Variants in COL11A1 observed in about 807,000 individuals in gnomAD.
The protein encoded by COL11A1 is collagen type XI alpha 1 chain.
In COL11A1, 74 loss-of-function variants were observed where a neutral mutation model predicts 265.2. The ratio of observed to expected loss-of-function variants is 0.28; its 90% CI spans 0.23 to 0.34. The LOEUF (loss-of-function observed/expected upper bound fraction) is 0.34. Among genes scored for constraint, COL11A1 ranks in the 10% least tolerant of loss-of-function variants. The pLI, the probability that COL11A1 is intolerant of heterozygous loss-of-function variation, is 1.00. For missense variants in COL11A1, 2,165 were observed against 2,263.6 expected (o/e 0.96, Z 0.88); for synonymous variants, 816 against 727.6 (o/e 1.12, Z -1.96).
Position 103,004,915 on chromosome 1 carries a change from ATAAG to A in COL11A1, c.1846-258_1846-255del, listed in dbSNP as rs147077472. ...TTTCAATACAAAAGAGTTATGTAAA[ATAAG>A]TATCTTAAATCGTTTTCAGACATTT... On this transcript the variant is annotated intron_variant, in intron 18 of 66. Transcript: ENST00000370096. Among the ~76,000 whole-genome samples, 10,608 of 152,108 alleles carry A rather than the reference ATAAG, an allele frequency of 0.07. 439 individuals carry two copies. The highest frequency in any genetic ancestry group is 0.17 in the Middle Eastern group (50 of 286).
Position 103,039,540 on chromosome 1 carries a change from T to C in COL11A1, c.652-8296A>G, listed in dbSNP as rs187039041. Reference sequence around the variant, plus strand: ...ACAAACACACACAGAGGAAAGACCATGTAAAGACACAGGGAGAAGACAACC... The same window carrying C: ...ACAAACACACACAGAGGAAAGACCACGTAAAGACACAGGGAGAAGACAACC... On this transcript the variant is annotated intron_variant, in intron 4 of 66. Transcript: ENST00000370096. Among the ~76,000 whole-genome samples the C allele has an allele frequency of 2.4e-4, 37 of 152,128 alleles. No individual in the cohort carries two copies. In the East Asian group the frequency reaches 7.0e-3, roughly 29 times the overall value.
At chr1:102,940,493 A>G (rs1658610943) in intron 42 of COL11A1, 59 bp from the exon 43 acceptor site, 1 of 1,214,496 alleles carries the variant, frequency 8.2e-7, no homozygotes, top group Admixed American at 1.9e-5. Context: ...CTACAAGAGT[A>G]ATAATCTAGC....
At chr1:102,899,133 A>G (rs1403063274) in intron 54 of COL11A1, 139 bp from the exon 55 acceptor site, 1 of 355,964 alleles carries the variant, frequency 2.8e-6, no homozygotes, top group Non-Finnish European at 5.0e-6. Context: ...TTTAAAACAT[A>G]ATAACGAAAA....
chr1:103,025,493 G>T (rs757560129), intron 7 of COL11A1, 28 bp downstream of exon 7: 1 of 1,455,368 alleles, frequency 6.9e-7, no homozygotes, highest in South Asian at 1.1e-5. Flanking sequence ...AAGTGGGACT[G>T]TGATTTAATA....
intron 3 of COL11A1, among the ~76,000 whole-genome samples, chr1:103,077,214 C>T (rs986605400): frequency 6.6e-6 from 1 of 151,782 alleles, no homozygotes; most frequent in Non-Finnish European, 1.5e-5. Flanking sequence ...GAACATTCTC[C>T]ATTTTTTTAT....
At chr1:102,989,179 TTATCAAATTAC>T (rs1663871183) in intron 29 of COL11A1, among the ~76,000 whole-genome samples, 1 of 152,014 alleles carries the variant, frequency 6.6e-6, no homozygotes, top group African/African-American at 2.4e-5. Context: ...TAGAGCAAAC[TTATCAAATTAC>T]TTCTAGTAAT....
intron 51 of COL11A1, 23 bp downstream of exon 51, chr1:102,914,681 T>C (rs374813852): frequency 1.5e-4 from 230 of 1,570,726 alleles, no homozygotes; most frequent in Non-Finnish European, 1.9e-4. Flanking sequence ...AATGCCACAT[T>C]AGAGGGGACC....
chr1:103,089,892 G>A (rs1400838574), intron 1 of COL11A1, among the ~76,000 whole-genome samples: 7 of 152,190 alleles, frequency 4.6e-5, no homozygotes, highest in Admixed American at 2.6e-4. Context: ...TTGGGAGGCC[G>A]AGGTGGGTGG....
intron 1 of COL11A1, among the ~76,000 whole-genome samples, chr1:103,103,963 T>A (rs948399266): frequency 4.6e-5 from 7 of 152,048 alleles, no homozygotes; most frequent in Non-Finnish European, 7.4e-5. Context: ...CCATTACAGA[T>A]CTTCACTCTA....
At chr1:102,992,539 T>A (rs1348905027) in intron 28 of COL11A1, among the ~76,000 whole-genome samples, 29 of 151,878 alleles carry the variant, frequency 1.9e-4, no homozygotes, top group Admixed American at 1.9e-3. Context: ...CTCAGAAAAA[T>A]GAAATAAATA....
Position 102,878,062 on chromosome 1 carries a change from T to C in COL11A1, c.5378A>G (p.Gln1793Arg). The C allele has an allele frequency of 6.2e-7, 1 of 1,613,710 alleles. No homozygotes were observed. The highest frequency in any genetic ancestry group is 8.5e-7 in the Non-Finnish European group (1 of 1,179,726). ...AGGACCAACTTCAAATCCGAACTTCTGATTCTGATCACCAAAGTCATTGAT... is the reference window on the plus strand; with the variant it reads ...AGGACCAACTTCAAATCCGAACTTCCGATTCTGATCACCAAAGTCATTGAT... The part of the protein sequence containing the change: ...VMINDFGDQN[Q>R]KFGFEVGPVC... The change falls in exon 67 of 67, where the codon CAG becomes CGG. Residue 1793 changes from glutamine (Q) to arginine (R), a missense_variant. Coordinates refer to ENST00000370096, the MANE Select transcript of COL11A1 (RefSeq NM_001854.4).
intron 10 of COL11A1, 53 bp from the exon 11 acceptor site, chr1:103,017,935 A>G: frequency 7.3e-7 from 1 of 1,370,592 alleles, no homozygotes; most frequent in Non-Finnish European, 1.0e-6. Context: ...ATTAATATTT[A>G]GATGAATTCA....
chr1:102,897,059 A>G (rs1173470903), intron 57 of COL11A1, among the ~76,000 whole-genome samples: 1 of 152,074 alleles, frequency 6.6e-6, no homozygotes, highest in Non-Finnish European at 1.5e-5. Flanking sequence ...GATAACTTTT[A>G]TCTAGTTACT....
chr1:103,059,711 A>C (rs190428242), intron 4 of COL11A1, among the ~76,000 whole-genome samples: 1 of 152,330 alleles, frequency 6.6e-6, no homozygotes, highest in East Asian at 1.9e-4. Context: ...TAGATAAAAA[A>C]CACCATAATT....
chr1:102,885,894 A>G lies in COL11A1; in HGVS notation c.4858+913T>C, dbSNP rs529654819. Among the ~76,000 whole-genome samples the G allele has an allele frequency of 3.9e-5, 6 of 152,252 alleles. No homozygotes were observed. The South Asian group carries it at 1.2e-3, about 32-fold the overall frequency. ...GAACGCTAATAATTACCTGTGTTTTACCTTTAACAGGCTATGCTTGATTAA... is the reference window on the plus strand; with the variant it reads ...GAACGCTAATAATTACCTGTGTTTTGCCTTTAACAGGCTATGCTTGATTAA... On this transcript the variant is annotated intron_variant, in intron 63 of 66. Coordinates refer to ENST00000370096, the MANE Select transcript of COL11A1 (RefSeq NM_001854.4).
chr1:103,052,095 A>G (rs1161487224), intron 4 of COL11A1, among the ~76,000 whole-genome samples: 1 of 152,132 alleles, frequency 6.6e-6, no homozygotes, highest in Non-Finnish European at 1.5e-5. Context: ...TACCAGTTCT[A>G]TTCCATATTG....
intron 4 of COL11A1, among the ~76,000 whole-genome samples, chr1:103,052,935 A>T (rs1431819660): frequency 6.6e-6 from 1 of 152,214 alleles, no homozygotes; most frequent in Non-Finnish European, 1.5e-5. Flanking sequence ...ATTACAGACA[A>T]ACAAGAATGC....
At chr1:103,030,223 T>G (rs1043519628) in intron 5 of COL11A1, among the ~76,000 whole-genome samples, 4 of 152,102 alleles carry the variant, frequency 2.6e-5, no homozygotes, top group Non-Finnish European at 5.9e-5. Context: ...GTTAGGTTCT[T>G]AAAATTTTAC....
chr1:103,082,207 A>C (rs1672471112), intron 2 of COL11A1, among the ~76,000 whole-genome samples: 1 of 152,062 alleles, frequency 6.6e-6, no homozygotes, highest in South Asian at 2.1e-4. Flanking sequence ...TTTTAAAAAA[A>C]TCTCTAGTTT....
Sources: allele counts gnomAD v4.1 joint callset (sites outside exome capture counted in the v4.1 genomes callset), GRCh38; gene constraint gnomAD v4.1.1; transcripts MANE v1.5; gene names NCBI Gene and HGNC (gene_info 2026-07-23, HGNC 2026-07-21).